PVT1: variants seen among roughly 807,000 people sequenced by gnomAD.
PVT1 encodes the protein Pvt1 oncogene.
chr8:128,074,415 C>T (rs570270722), intron 5 of PVT1, among the ~76,000 whole-genome samples: 105 of 151,412 alleles, frequency 6.9e-4, no homozygotes, highest in African/African-American at 1.9e-3. Context: ...CCCAGCTACT[C>T]AGGAGGCTGA....
intron 4 of PVT1, among the ~76,000 whole-genome samples, chr8:128,059,872 A>G (rs150298637): frequency 2.0e-5 from 3 of 152,338 alleles, no homozygotes; most frequent in East Asian, 3.9e-4. Context: ...GGGACTCTTC[A>G]TCGTTCAGCC....
At chr8:128,041,358 A>C (rs537489864) in intron 4 of PVT1, among the ~76,000 whole-genome samples, 144 of 134,788 alleles carry the variant, frequency 1.1e-3, no homozygotes, top group Middle Eastern at 6.1e-3. Context: ...TGTTGTGCTC[A>C]TGTGTTGTTT....
intron 3 of PVT1, among the ~76,000 whole-genome samples, chr8:127,927,438 C>G (rs1459174132): frequency 7.9e-5 from 12 of 152,152 alleles, no homozygotes; most frequent in Non-Finnish European, 1.8e-4. Flanking sequence ...TCTGACCTGT[C>G]AAAAAGCCCC....
intron 2 of PVT1, among the ~76,000 whole-genome samples, chr8:127,843,017 A>C (rs1376219144): frequency 6.6e-6 from 1 of 152,186 alleles, no homozygotes; most frequent in East Asian, 1.9e-4. Flanking sequence ...GGTCTACAGA[A>C]GTGACAGATG....
intron 4 of PVT1, among the ~76,000 whole-genome samples, chr8:128,065,746 T>C (rs1334828996): frequency 8.5e-6 from 1 of 117,516 alleles, no homozygotes; most frequent in African/African-American, 2.8e-5. Context: ...TCATGTCACT[T>C]CAAGCAGACA....
chr8:128,006,146 AAT>A (rs1170177535), intron 4 of PVT1, among the ~76,000 whole-genome samples: 6 of 37,980 alleles, frequency 1.6e-4, no homozygotes, highest in Admixed American at 6.9e-4. Context: ...TAATAATAAT[AAT>A]AAAAAGATAA....
intron 4 of PVT1, among the ~76,000 whole-genome samples, chr8:128,020,199 TA>T (rs1255982540): frequency 9.8e-5 from 15 of 152,336 alleles, no homozygotes; most frequent in African/African-American, 3.6e-4. Context: ...AATGGCCCTC[TA>T]AAGATGCCCA....
chr8:127,991,512 C>A (rs1382316799), intron 4 of PVT1, among the ~76,000 whole-genome samples: 2 of 152,154 alleles, frequency 1.3e-5, no homozygotes, highest in Non-Finnish European at 2.9e-5. Flanking sequence ...GCCTTTCCAG[C>A]TGATCCCCAT....
Position 127,846,293 on chromosome 8 carries a change from G to T in PVT1, n.373-44296G>T, listed in dbSNP as rs765004737. On this transcript the variant is annotated intron_variant and non_coding_transcript_variant, in intron 2 of 10. Transcript: ENST00000651587. Reference sequence around the variant, plus strand: ...TTGGCTTTTGTTGAGTCCCTGGTGGGTGTCCATGGTGTCTTTGGCCTTATC... The same window carrying T: ...TTGGCTTTTGTTGAGTCCCTGGTGGTTGTCCATGGTGTCTTTGGCCTTATC... 5.9e-5 allele frequency among the ~76,000 whole-genome samples: 9 copies of T among 152,200 alleles called. No individual in the cohort carries two copies. The South Asian group carries it at 6.2e-4, about 11-fold the overall frequency.
intron 4 of PVT1, among the ~76,000 whole-genome samples, chr8:128,046,803 G>T (rs976319569): frequency 1.3e-5 from 2 of 152,066 alleles, no homozygotes; most frequent in Admixed American, 6.5e-5. Context: ...TCTCTAACTT[G>T]TCCAGGAAGA....
At chr8:127,944,821 C>T (rs939162582) in intron 3 of PVT1, among the ~76,000 whole-genome samples, 6 of 152,112 alleles carry the variant, frequency 3.9e-5, no homozygotes, top group African/African-American at 1.4e-4. Context: ...ACTCCGAGGG[C>T]GCAGGCTGCT....
chr8:128,020,030 G>A (rs538214965), intron 4 of PVT1, among the ~76,000 whole-genome samples: 16 of 149,864 alleles, frequency 1.1e-4, no homozygotes, highest in East Asian at 9.9e-4. Flanking sequence ...CCTGATTTTC[G>A]TCTTTTCCAC....
intron 2 of PVT1, among the ~76,000 whole-genome samples, chr8:127,829,952 G>A (rs772873925): frequency 5.9e-5 from 9 of 152,120 alleles, no homozygotes; most frequent in Non-Finnish European, 1.2e-4. Context: ...TCTGGCTTGT[G>A]GCTGCAGCAA....
At chr8:127,956,632 G>A (rs916648881) in intron 3 of PVT1, among the ~76,000 whole-genome samples, 7 of 152,152 alleles carry the variant, frequency 4.6e-5, no homozygotes, top group African/African-American at 1.2e-4. Flanking sequence ...CTACAGGCAC[G>A]CGCCACCACG....
chr8:128,054,506 C>A (rs1011459744), intron 4 of PVT1, among the ~76,000 whole-genome samples: 2 of 152,190 alleles, frequency 1.3e-5, no homozygotes, highest in Non-Finnish European at 2.9e-5. Context: ...CTGGAACCAA[C>A]CATGGCTTCC....
chr8:127,926,464 A>G (rs1444306323), intron 3 of PVT1, among the ~76,000 whole-genome samples: 1 of 152,164 alleles, frequency 6.6e-6, no homozygotes, highest in Admixed American at 6.5e-5. Flanking sequence ...GAGCTGCTTC[A>G]TCCGGGAAGT....
At chr8:127,831,370 C>T (rs998400359) in intron 2 of PVT1, among the ~76,000 whole-genome samples, 4 of 151,802 alleles carry the variant, frequency 2.6e-5, no homozygotes, top group African/African-American at 4.8e-5. Flanking sequence ...TCAATGGACA[C>T]GGGGAAGATG....
chr8:128,081,836 A>G (rs182991387), intron 5 of PVT1, among the ~76,000 whole-genome samples: 71 of 152,380 alleles, frequency 4.7e-4, no homozygotes, highest in Non-Finnish European at 8.2e-4. Context: ...AACTAGTAAC[A>G]GAACCAAGGC....
At chr8:127,823,840 A>G (rs1250532366) in intron 2 of PVT1, among the ~76,000 whole-genome samples, 1 of 152,210 alleles carries the variant, frequency 6.6e-6, no homozygotes, top group African/African-American at 2.4e-5. Flanking sequence ...GTCGGCTTTG[A>G]TCACATGTCC....
Sources: allele counts gnomAD v4.1 joint callset (sites outside exome capture counted in the v4.1 genomes callset), GRCh38; gene constraint gnomAD v4.1.1; transcripts MANE v1.5; gene names NCBI Gene and HGNC (gene_info 2026-07-23, HGNC 2026-07-21).